WDR70: variants seen among roughly 807,000 people sequenced by gnomAD.
The protein encoded by WDR70 is WD repeat-containing protein 70.
Under a neutral mutation model 88.6 loss-of-function variants are expected in WDR70, and 53 were observed. That is an observed-to-expected ratio of 0.60 (90% CI 0.48 to 0.75). WDR70 has a LOEUF of 0.75. WDR70 is among the 30% of genes least tolerant of loss of function. The pLI is 0.00. For missense variants in WDR70, 610 were observed against 823.2 expected (o/e 0.74, Z 3.17); for synonymous variants, 280 against 270.0 (o/e 1.04, Z -0.36).
Position 37,723,015 on chromosome 5 carries a change from G to A in WDR70, c.1597+81G>A, listed in dbSNP as rs181225531. 40 of 1,538,718 alleles carry A rather than the reference G, an allele frequency of 2.6e-5. No homozygotes were observed. In the Admixed American group the frequency reaches 4.0e-4, roughly 15 times the overall value. ...TTGATTGCATAGCTTTAGAGACAGA[G>A]AAAGCCCTCAGAATTCAGGCATATA... On this transcript the variant is annotated intron_variant, in intron 15 of 17. Coordinates refer to ENST00000265107, the MANE Select transcript of WDR70 (RefSeq NM_018034.4).
chr5:37,472,851 T>G (rs1739368063), intron 7 of WDR70, among the ~76,000 whole-genome samples: 1 of 152,094 alleles, frequency 6.6e-6, no homozygotes, highest in Admixed American at 6.5e-5. Flanking sequence ...TGAATAAAGC[T>G]GCTTTGAACG....
chr5:37,623,252 C>A (rs1003787373), intron 10 of WDR70, among the ~76,000 whole-genome samples: 4 of 152,120 alleles, frequency 2.6e-5, no homozygotes, highest in Non-Finnish European at 5.9e-5. Context: ...TCCTTTTCTT[C>A]ACTTTACTAT....
intron 10 of WDR70, among the ~76,000 whole-genome samples, chr5:37,661,301 T>G (rs1024785519): frequency 6.6e-6 from 1 of 152,164 alleles, no homozygotes; most frequent in African/African-American, 2.4e-5. Flanking sequence ...GGGTCTTGGG[T>G]CAGAGCAAAC....
intron 5 of WDR70, among the ~76,000 whole-genome samples, chr5:37,406,213 T>C (rs1207873948): frequency 2.0e-5 from 3 of 152,176 alleles, no homozygotes; most frequent in African/African-American, 7.2e-5. Flanking sequence ...ATTCCTCTCT[T>C]TCCCTCATAC....
chr5:37,726,783 T>C, intron 16 of WDR70, 100 bp from the exon 17 acceptor site: 1 of 1,219,072 alleles, frequency 8.2e-7, no homozygotes, highest in Non-Finnish European at 1.1e-6. Context: ...ATTTAAGTAC[T>C]CTTGAGATTT....
At chr5:37,426,137 G>A (rs1016721680) in intron 5 of WDR70, among the ~76,000 whole-genome samples, 2 of 152,184 alleles carry the variant, frequency 1.3e-5, no homozygotes, top group Non-Finnish European at 2.9e-5. Context: ...GGAAGATCCT[G>A]CACAGGTGGC....
At chr5:37,508,537 A>G (rs1274205417) in intron 8 of WDR70, among the ~76,000 whole-genome samples, 3 of 152,218 alleles carry the variant, frequency 2.0e-5, no homozygotes, top group East Asian at 1.9e-4. Flanking sequence ...ATGAATGGCT[A>G]TTGAGTTTTG....
intron 4 of WDR70, among the ~76,000 whole-genome samples, chr5:37,392,864 C>T (rs1207689466): frequency 1.3e-5 from 2 of 152,028 alleles, no homozygotes; most frequent in South Asian, 4.1e-4. Context: ...TCAGGCTGGT[C>T]TCCAACTCCT....
At chr5:37,545,752 G>A (rs1281800897) in intron 9 of WDR70, among the ~76,000 whole-genome samples, 1 of 152,098 alleles carries the variant, frequency 6.6e-6, no homozygotes, top group East Asian at 1.9e-4. Context: ...TAGAACTCCT[G>A]ACCTCAGGTG....
chr5:37,694,983 A>G (rs560973682), intron 10 of WDR70, among the ~76,000 whole-genome samples: 31 of 152,304 alleles, frequency 2.0e-4, no homozygotes, highest in African/African-American at 7.0e-4. Context: ...ATTGCTAGAA[A>G]GAAATACTTG....
At chr5:37,601,615 CT>C (rs1561918448) in intron 9 of WDR70, among the ~76,000 whole-genome samples, 1 of 152,010 alleles carries the variant, frequency 6.6e-6, no homozygotes, top group African/African-American at 2.4e-5. Context: ...TCTTCTTTAA[CT>C]CTTTGGTAGA....
In WDR70 at chr5:37,398,339, C is replaced by G. The variant is rs62360198; in HGVS notation, c.492+1769C>G. On this transcript the variant is annotated intron_variant, in intron 5 of 17. Coordinates refer to ENST00000265107, the MANE Select transcript of WDR70 (RefSeq NM_018034.4). ...TCCTGACCTCGTGATCTGCCCGCCT[C>G]GGCCTCCCAAAGTGCTGGGACAGGC... Among the ~76,000 whole-genome samples, 952 of 151,726 alleles carry G rather than the reference C, an allele frequency of 6.3e-3. 9 individuals carry two copies. The highest frequency in any genetic ancestry group is 0.017 in the Middle Eastern group (5 of 292).
intron 5 of WDR70, among the ~76,000 whole-genome samples, chr5:37,397,092 G>T (rs925684991): frequency 1.3e-5 from 2 of 151,656 alleles, no homozygotes; most frequent in South Asian, 4.2e-4. Context: ...CAGTGAGGTC[G>T]ACAGATGGCA....
At chr5:37,686,292 G>A (rs2112627131) in intron 10 of WDR70, among the ~76,000 whole-genome samples, 1 of 152,002 alleles carries the variant, frequency 6.6e-6, no homozygotes, top group East Asian at 1.9e-4. Flanking sequence ...TCCAACCTGG[G>A]TGACAGAAGG....
intron 9 of WDR70, among the ~76,000 whole-genome samples, chr5:37,599,618 G>A (rs10941349): frequency 0.46 from 70,632 of 152,050 alleles, 18,025 homozygotes; most frequent in Non-Finnish European, 0.58. Context: ...GGGGCCGGGC[G>A]TGGTGGCTCA....
intron 8 of WDR70, among the ~76,000 whole-genome samples, chr5:37,505,475 C>T (rs1243773203): frequency 6.6e-6 from 1 of 152,026 alleles, no homozygotes; most frequent in Non-Finnish European, 1.5e-5. Context: ...TTCCGTATAC[C>T]TATTAATGAG....
intron 9 of WDR70, among the ~76,000 whole-genome samples, chr5:37,585,281 C>T (rs748667870): frequency 3.3e-5 from 5 of 152,120 alleles, no homozygotes; most frequent in African/African-American, 7.2e-5. Context: ...TGAGCTACCG[C>T]GCCCAGCCTC....
chr5:37,401,331 T>A (rs1749186944), intron 5 of WDR70, among the ~76,000 whole-genome samples: 2 of 150,322 alleles, frequency 1.3e-5, no homozygotes, highest in Admixed American at 6.6e-5. Context: ...TTTTTTTTTT[T>A]TTGAGACGGA....
At position 37,502,077 on chromosome 5, in the gene WDR70, T is replaced by C. The variant is rs147554971; in HGVS notation, c.841-14437T>C. Among the ~76,000 whole-genome samples, 251 of 152,336 alleles carry C rather than the reference T, an allele frequency of 1.6e-3. 1 individual carries two copies. Among genetic ancestry groups the C allele is most frequent in the African/African-American group, 5.7e-3 (238 of 41,582 alleles). On this transcript the variant is annotated intron_variant, in intron 8 of 17. Coordinates refer to ENST00000265107, the MANE Select transcript of WDR70 (RefSeq NM_018034.4). ...TTGCAATTGATGAGCATGGGACATA[T>C]TTACATTTGTTTGTGTCATTTGTGA...
Sources: gnomAD v4.1 joint callset for allele counts (sites outside exome capture counted in the v4.1 genomes callset) on GRCh38, gnomAD v4.1.1 for gene constraint, MANE v1.5 for transcripts, NCBI Gene and HGNC (gene_info 2026-07-23, HGNC 2026-07-21) for gene names.